The following BICD1 variants were observed in gnomAD, a reference collection of about 807,000 sequenced individuals.
BICD1 encodes BICD cargo adaptor 1, also known as protein bicaudal D homolog 1.
BICD1 carries 35 observed loss-of-function variants against 92.5 expected under a neutral mutation model. The observed-to-expected ratio is 0.38, with a 90% CI of 0.29 to 0.50. The LOEUF (loss-of-function observed/expected upper bound fraction) is 0.50. Among genes scored for constraint, BICD1 ranks in the 20% least tolerant of loss-of-function variants. BICD1 has a pLI of 0.93. For synonymous variants in BICD1, 429 were observed against 465.1 expected (o/e 0.92, Z 1.00); for missense variants, 950 against 1,189.8 (o/e 0.80, Z 2.97).
At chr12:32,203,563 G>A in intron 1 of BICD1, among the ~76,000 whole-genome samples, 1 of 152,178 alleles carries the variant, frequency 6.6e-6, no homozygotes, top group Non-Finnish European at 1.5e-5. Flanking sequence ...CTGATTCCTT[G>A]TCTATGAGGA....
rs142606988 is a variant in BICD1, at chr12:32,182,580, G to T, written c.214-33667G>T. The stretch of plus-strand genomic sequence containing the variant: ...ATATAGGCATGAGCCACCATGCCCC[G>T]CTGTTTTCTACATTTCTTTTATATG... On this transcript the variant is annotated intron_variant, in intron 1 of 9. Transcript: ENST00000652176. Among the ~76,000 whole-genome samples the T allele has an allele frequency of 4.4e-3, 675 of 151,792 alleles. 7 individuals are homozygous for T. The highest frequency in any genetic ancestry group is 7.2e-3 in the Non-Finnish European group (487 of 67,898).
intron 1 of BICD1, among the ~76,000 whole-genome samples, chr12:32,162,846 C>T (rs1329485524): frequency 6.6e-6 from 1 of 151,792 alleles, no homozygotes; most frequent in East Asian, 1.9e-4. Flanking sequence ...ATTAGCCAGG[C>T]GTAGTGATAT....
chr12:32,203,534 G>A (rs999689180), intron 1 of BICD1, among the ~76,000 whole-genome samples: 1 of 152,172 alleles, frequency 6.6e-6, no homozygotes, highest in African/African-American at 2.4e-5. Context: ...GAGGAACCTG[G>A]TAGTGGCCAA....
At chr12:32,346,613 C>CGT (rs1491404283) in intron 8 of BICD1, among the ~76,000 whole-genome samples, 1 of 23,616 alleles carries the variant, frequency 4.2e-5, no homozygotes, top group Middle Eastern at 0.015. Flanking sequence ...TATATATATA[C>CGT]GTGTATATAT....
intron 9 of BICD1, among the ~76,000 whole-genome samples, chr12:32,376,130 C>T (rs1939947959): frequency 6.9e-6 from 1 of 145,848 alleles, no homozygotes; most frequent in African/African-American, 2.6e-5. Flanking sequence ...TGTTGCCAAA[C>T]TGGAGTACAG....
At chr12:32,343,190 A>G (rs1938445126) in intron 8 of BICD1, among the ~76,000 whole-genome samples, 1 of 152,194 alleles carries the variant, frequency 6.6e-6, no homozygotes, top group South Asian at 2.1e-4. Flanking sequence ...CTTGACTCAA[A>G]AGGGACCCTG....
At chr12:32,301,189 T>A (rs1948035143) in intron 3 of BICD1, among the ~76,000 whole-genome samples, 1 of 152,170 alleles carries the variant, frequency 6.6e-6, no homozygotes, top group Non-Finnish European at 1.5e-5. Context: ...CCACACTTCA[T>A]CCTCAGTTTC....
intron 2 of BICD1, chr12:32,227,934 G>C (rs1945753144): frequency 5.5e-6 from 1 of 181,070 alleles, no homozygotes; most frequent in African/African-American, 2.3e-5. Context: ...TCCTTCATCA[G>C]GTGAAAAGGC....
chr12:32,356,136 C>G (rs538061413), intron 8 of BICD1, among the ~76,000 whole-genome samples: 25 of 152,288 alleles, frequency 1.6e-4, no homozygotes, highest in Non-Finnish European at 3.4e-4. Flanking sequence ...CACAAACATT[C>G]TCTCACCTGA....
At chr12:32,286,307 A>T (rs1330702980) in intron 2 of BICD1, among the ~76,000 whole-genome samples, 1 of 152,126 alleles carries the variant, frequency 6.6e-6, no homozygotes, top group African/African-American at 2.4e-5. Flanking sequence ...TTACAATTTT[A>T]TATAAATGAC....
rs565584637 is a variant in BICD1 at position 32,248,357 on chromosome 12, T to C, written c.426+31898T>C. On this transcript the variant is annotated intron_variant, in intron 2 of 9. Transcript: ENST00000652176. The stretch of plus-strand genomic sequence containing the variant: ...AGAGATGGCAAGAATCAACAGTTCA[T>C]ATCAGGATTTTGCTGTGAAAGGCAG... 4.6e-5 allele frequency among the ~76,000 whole-genome samples: 7 copies of C among 152,322 alleles called. No homozygotes were observed. In the East Asian group the frequency reaches 1.3e-3, roughly 29 times the overall value.
chr12:32,323,135 C>A (rs1365108349), intron 4 of BICD1, among the ~76,000 whole-genome samples: 1 of 152,164 alleles, frequency 6.6e-6, no homozygotes, highest in Non-Finnish European at 1.5e-5. Flanking sequence ...AGGTTTTTCA[C>A]TGAAAACTAT....
chr12:32,204,787 G>T (rs1315704731), intron 1 of BICD1, among the ~76,000 whole-genome samples: 1 of 152,182 alleles, frequency 6.6e-6, no homozygotes. Flanking sequence ...CACAGAAGAC[G>T]ATGGGATATC....
chr12:32,268,278 G>A (rs11051887), intron 2 of BICD1, among the ~76,000 whole-genome samples: 7,880 of 152,192 alleles, frequency 0.052, 692 homozygotes, highest in African/African-American at 0.18. Context: ...GAAGGGATGC[G>A]CCAGGATGGA....
chr12:32,147,881 A>AC (rs1213061595), intron 1 of BICD1, among the ~76,000 whole-genome samples: 12 of 152,142 alleles, frequency 7.9e-5, no homozygotes, highest in South Asian at 2.1e-4. Context: ...GCACACGCCT[A>AC]AAATTGTAGC....
chr12:32,252,352 C>G (rs1302023702), intron 2 of BICD1, among the ~76,000 whole-genome samples: 1 of 151,302 alleles, frequency 6.6e-6, no homozygotes, highest in African/African-American at 2.4e-5. Context: ...CGATTCACAT[C>G]AAAGATGTGA....
chr12:32,192,627 C>G (rs1944609289), intron 1 of BICD1, among the ~76,000 whole-genome samples: 1 of 152,086 alleles, frequency 6.6e-6, no homozygotes, highest in Non-Finnish European at 1.5e-5. Context: ...AGAGGCAGTG[C>G]TATGGAAGGA....
intron 1 of BICD1, among the ~76,000 whole-genome samples, chr12:32,164,790 C>T (rs1046093842): frequency 1.3e-5 from 2 of 152,150 alleles, no homozygotes; most frequent in Non-Finnish European, 2.9e-5. Context: ...CACTAACACT[C>T]TAGGAAGCAG....
At chr12:32,168,659 C>T (rs557598960) in intron 1 of BICD1, among the ~76,000 whole-genome samples, 1 of 152,300 alleles carries the variant, frequency 6.6e-6, no homozygotes, top group Non-Finnish European at 1.5e-5. Flanking sequence ...TTAATCGGGT[C>T]CACTGTGTAT....
Sources: allele counts gnomAD v4.1 joint callset (sites outside exome capture counted in the v4.1 genomes callset), GRCh38; gene constraint gnomAD v4.1.1; transcripts MANE v1.5; gene names NCBI Gene and HGNC (gene_info 2026-07-23, HGNC 2026-07-21).